The following HOMER2 variants were observed in gnomAD, a reference collection of about 807,000 sequenced individuals.
HOMER2 encodes homer scaffold protein 2.
Under a neutral mutation model 47.0 loss-of-function variants are expected in HOMER2, and 27 were observed. That is an observed-to-expected ratio of 0.57 (90% CI 0.42 to 0.79). HOMER2 has a LOEUF of 0.79. Ranked by LOEUF, HOMER2 falls within the 30% of genes least tolerant of loss-of-function variation. HOMER2 has a pLI of 0.00. For synonymous variants in HOMER2, 161 were observed against 163.8 expected (o/e 0.98, Z 0.13); for missense variants, 443 against 435.0 (o/e 1.02, Z -0.16).
At chr15:82,920,479 G>C (rs1484695764) in intron 1 of HOMER2, among the ~76,000 whole-genome samples, 1 of 152,178 alleles carries the variant, frequency 6.6e-6, no homozygotes, top group Non-Finnish European at 1.5e-5. Flanking sequence ...AGGCTCTAGG[G>C]TTGGAAGCTC....
upstream of HOMER2, among the ~76,000 whole-genome samples, chr15:82,957,222 A>G (rs1344020902): frequency 6.6e-6 from 1 of 151,788 alleles, no homozygotes; most frequent in Non-Finnish European, 1.5e-5. Flanking sequence ...GGTTGCAGTG[A>G]GCCAAGATAC....
intron 1 of HOMER2, among the ~76,000 whole-genome samples, chr15:82,912,372 T>G (rs2053476054): frequency 6.6e-6 from 1 of 152,236 alleles, no homozygotes; most frequent in South Asian, 2.1e-4. Context: ...TTCTTTTCAG[T>G]GAGCGTAATA....
upstream of HOMER2, among the ~76,000 whole-genome samples, chr15:82,954,153 A>G (rs2054561369): frequency 6.6e-6 from 1 of 152,186 alleles, no homozygotes; most frequent in South Asian, 2.1e-4. Context: ...CTCCATGCAT[A>G]GTAATCAGCA....
chr15:82,956,397 T>G (rs1444243489), upstream of HOMER2, among the ~76,000 whole-genome samples: 2 of 151,930 alleles, frequency 1.3e-5, no homozygotes, highest in Non-Finnish European at 2.9e-5. Flanking sequence ...GTGGTTAGAG[T>G]GCAGTGAGCT....
chr15:82,842,337 CAG>C (rs1030375995), exon 2 of HOMER2: 7 of 151,058 alleles, frequency 4.6e-5, no homozygotes, highest in African/African-American at 1.2e-4. Flanking sequence ...TTTTTTGAGA[CAG>C]AGTCTCGCTC....
rs35191408 is a variant in HOMER2 at position 82,910,132 on chromosome 15, CAAAAAAAAAAAAAA to C, written c.6-17305_6-17292del. Among the ~76,000 whole-genome samples the C allele has an allele frequency of 2.7e-4, 6 of 22,130 alleles. No homozygotes were observed. In the South Asian group the frequency reaches 1.0e-2, roughly 37 times the overall value. The allele number at this position is 22,130 out of a possible 152,430, so 14.5% of individuals were successfully genotyped here. On this transcript the variant is annotated intron_variant, in intron 1 of 8. Transcript: ENST00000450735. ...TGGGTAACAGAGCAAGATTCTGTCT[CAAAAAAAAAAAAAA>C]AAAAAAAAAAAAAAGGCTAACTTGT...
intron 1 of HOMER2, among the ~76,000 whole-genome samples, chr15:82,910,100 T>C (rs1682231630): frequency 8.8e-6 from 1 of 114,132 alleles, no homozygotes; most frequent in Non-Finnish European, 1.6e-5. Context: ...GCTACTGCAC[T>C]CCAGCCTGGG....
chr15:82,907,521 AAG>A (rs373577900), intron 1 of HOMER2, among the ~76,000 whole-genome samples: 54 of 151,978 alleles, frequency 3.6e-4, no homozygotes, highest in African/African-American at 1.2e-3. Context: ...GAAGGAAGGA[AAG>A]AGAGAGACAG....
chr15:82,980,014 G>A (rs1175462369), intron 1 of HOMER2, among the ~76,000 whole-genome samples: 1 of 152,130 alleles, frequency 6.6e-6, no homozygotes, highest in Non-Finnish European at 1.5e-5. Context: ...GCAAGGTTAT[G>A]GGGATACCAA....
rs912458702 is a variant in HOMER2 at position 82,913,988 on chromosome 15, C to G, written c.6-21147G>C. Among the ~76,000 whole-genome samples the G allele has an allele frequency of 6.6e-6, 1 of 152,048 alleles. No homozygotes were observed. The highest frequency in any genetic ancestry group is 1.5e-5 in the Non-Finnish European group (1 of 68,016). On this transcript the variant is annotated intron_variant, in intron 1 of 8. Coordinates refer to ENST00000450735, the MANE Select transcript of HOMER2 (RefSeq NM_004839.4). This position sits in a 1 kb window ranked among gnomAD's most constrained non-coding sequence, Gnocchi z 4.1. Reference sequence around the variant, plus strand: ...GTAGAAACGACCCAAAGTCTATCAACAGATAAATGGATAAACAAAATGTGG... The same window carrying G: ...GTAGAAACGACCCAAAGTCTATCAAGAGATAAATGGATAAACAAAATGTGG...
At chr15:82,975,970 A>C (rs903400691) in intron 1 of HOMER2, among the ~76,000 whole-genome samples, 1 of 152,214 alleles carries the variant, frequency 6.6e-6, no homozygotes, top group South Asian at 2.1e-4. Context: ...CCTGTGTCCC[A>C]TAAATATATA....
intron 1 of HOMER2, among the ~76,000 whole-genome samples, chr15:82,962,603 G>A (rs1049785132): frequency 6.6e-6 from 1 of 152,014 alleles, no homozygotes; most frequent in African/African-American, 2.4e-5. Context: ...CTTGAACCCG[G>A]GAGGTGGAGG....
intron 3 of HOMER2, among the ~76,000 whole-genome samples, chr15:82,871,047 CACATGCA>C (rs2052159683): frequency 2.6e-5 from 4 of 152,226 alleles, no homozygotes; most frequent in Admixed American, 2.0e-4. Context: ...CTTTTATCAG[CACATGCA>C]AGTGCCTTTT....
chr15:82,851,930 G>A (rs2051408680), intron 7 of HOMER2, among the ~76,000 whole-genome samples: 1 of 152,224 alleles, frequency 6.6e-6, no homozygotes, highest in Non-Finnish European at 1.5e-5. Context: ...TGCACGACCA[G>A]CTATAGAACA....
At chr15:82,946,350 C>A (rs942708870) in intron 1 of HOMER2, among the ~76,000 whole-genome samples, 4 of 152,192 alleles carry the variant, frequency 2.6e-5, no homozygotes, top group Non-Finnish European at 2.9e-5. Flanking sequence ...AAGTAAAAGT[C>A]AACCCAAAGA....
Position 82,967,061 on chromosome 15 carries a change from G to A in HOMER2, n.83-7753C>T, listed in dbSNP as rs1337854621. 2.0e-5 allele frequency among the ~76,000 whole-genome samples: 3 copies of A among 152,236 alleles called. No homozygotes were observed. In the East Asian group the frequency reaches 5.8e-4, roughly 29 times the overall value. On this transcript the variant is annotated intron_variant and non_coding_transcript_variant, in intron 1 of 1. Coordinates refer to the HOMER2 transcript ENST00000500334. ...TTGCTCGAGTTCAACAACAGCCTGA[G>A]CAACATAGTGAGACCCTGTCTCTAC...
intron 4 of HOMER2, among the ~76,000 whole-genome samples, chr15:82,862,979 C>A (rs991504878): frequency 2.0e-5 from 3 of 152,148 alleles, no homozygotes; most frequent in African/African-American, 7.2e-5. Context: ...ATTTCTCCCT[C>A]CCTGTCATCT....
chr15:82,872,828 G>C (rs556144594), intron 3 of HOMER2, among the ~76,000 whole-genome samples: 2 of 152,212 alleles, frequency 1.3e-5, no homozygotes, highest in Non-Finnish European at 2.9e-5. Flanking sequence ...GAATGGTTAA[G>C]GGCCTAGCTG....
intron 1 of HOMER2, among the ~76,000 whole-genome samples, chr15:82,898,128 G>C (rs2052996120): frequency 6.6e-6 from 1 of 152,138 alleles, no homozygotes; most frequent in South Asian, 2.1e-4. Flanking sequence ...CAGGCAAACT[G>C]AACAACAAAT....
Sources: allele counts gnomAD v4.1 joint callset (sites outside exome capture counted in the v4.1 genomes callset), GRCh38; gene constraint gnomAD v4.1.1; non-coding constraint Gnocchi (gnomAD v3.1); transcripts MANE v1.5; gene names NCBI Gene and HGNC (gene_info 2026-07-23, HGNC 2026-07-21).